Variants in EML4 observed in about 807,000 individuals in gnomAD.
The protein encoded by EML4 is echinoderm microtubule-associated protein-like 4.
In EML4, 72 loss-of-function variants were observed where a neutral mutation model predicts 129.0. The observed-to-expected ratio is 0.56, with a 90% CI of 0.46 to 0.68. The LOEUF (loss-of-function observed/expected upper bound fraction) is 0.68. EML4 is among the 30% of genes least tolerant of loss of function. EML4 has a pLI of 0.00. For synonymous variants in EML4, 532 were observed against 405.0 expected (o/e 1.31, Z -3.77); for missense variants, 1,363 against 1,190.6 (o/e 1.14, Z -2.13).
chr2:42,305,045 G>T (rs1040052775), intron 17 of EML4, among the ~76,000 whole-genome samples: 1 of 152,098 alleles, frequency 6.6e-6, no homozygotes, highest in African/African-American at 2.4e-5. Context: ...GTTGAACCTG[G>T]GAGACAGTTG....
At chr2:42,244,584 T>G (rs1675263880) in intron 1 of EML4, among the ~76,000 whole-genome samples, 1 of 152,124 alleles carries the variant, frequency 6.6e-6, no homozygotes, top group Non-Finnish European at 1.5e-5. Context: ...CATAAAAACC[T>G]TTTTTTAAGA....
chr2:42,187,057 T>TG (rs1196914944), intron 1 of EML4, among the ~76,000 whole-genome samples: 3 of 23,286 alleles, frequency 1.3e-4, no homozygotes, highest in African/African-American at 3.4e-4. Context: ...AGCGGGGGGG[T>TG]GGGGGGGACA....
At chr2:42,199,555 T>C (rs995527443) in intron 1 of EML4, among the ~76,000 whole-genome samples, 4 of 152,186 alleles carry the variant, frequency 2.6e-5, no homozygotes, top group African/African-American at 9.7e-5. Context: ...TCTCCCTGTT[T>C]TCTGTTGAGA....
At chr2:42,265,680 C>T (rs62142565) in intron 6 of EML4, among the ~76,000 whole-genome samples, 1 of 151,638 alleles carries the variant, frequency 6.6e-6, no homozygotes, top group Non-Finnish European at 1.5e-5. Context: ...TAGAAATAAA[C>T]GATTGATAAA....
At chr2:42,222,578 G>C (rs754998674) in intron 1 of EML4, among the ~76,000 whole-genome samples, 1 of 152,100 alleles carries the variant, frequency 6.6e-6, no homozygotes, top group African/African-American at 2.4e-5. Context: ...AATGTTTACT[G>C]TCTGGTCCTT....
intron 14 of EML4, among the ~76,000 whole-genome samples, chr2:42,302,682 C>T (rs772801871): frequency 4.6e-5 from 7 of 151,878 alleles, no homozygotes; most frequent in South Asian, 2.1e-4. Flanking sequence ...TATAGGCGCC[C>T]GCCACCGCAC....
At position 42,329,938 on chromosome 2, in the gene EML4, A is replaced by AGC; in HGVS notation, c.2677_2678insGC (p.Ile893SerfsTer15). 6.2e-7 allele frequency: 1 copy of AGC among 1,614,014 alleles called. No individual in the cohort carries two copies. On this transcript the variant is annotated frameshift_variant, in exon 23 of 23. Coordinates refer to ENST00000318522, the MANE Select transcript of EML4 (RefSeq NM_019063.5). LOFTEE classifies it high-confidence loss of function. Reference sequence around the variant, plus strand: ...CCCCGTCTCTTCCACTGAAAGTGTCATCCAATCTAATACTCCCACACCGCC... The same window carrying AGC: ...CCCCGTCTCTTCCACTGAAAGTGTCAGCTCCAATCTAATACTCCCACACCGCC...
intron 1 of EML4, among the ~76,000 whole-genome samples, chr2:42,188,763 T>C (rs937265665): frequency 1.3e-5 from 2 of 152,100 alleles, no homozygotes; most frequent in African/African-American, 4.8e-5. Flanking sequence ...TGACCTCAGG[T>C]GATCTGCCCA....
At chr2:42,206,248 C>T (rs1293366029) in intron 1 of EML4, among the ~76,000 whole-genome samples, 1 of 152,158 alleles carries the variant, frequency 6.6e-6, no homozygotes, top group East Asian at 1.9e-4. Flanking sequence ...GGGTCTCACT[C>T]TGTCACCTAG....
At chr2:42,242,467 TA>T (rs1675099382) in intron 1 of EML4, among the ~76,000 whole-genome samples, 1 of 152,274 alleles carries the variant, frequency 6.6e-6, no homozygotes, top group African/African-American at 2.4e-5. Flanking sequence ...ACAAGGTAGT[TA>T]GAACCACCTT....
chr2:42,247,964 T>A (rs1051736867), intron 2 of EML4, among the ~76,000 whole-genome samples: 10 of 152,166 alleles, frequency 6.6e-5, no homozygotes, highest in African/African-American at 2.4e-4. Flanking sequence ...CTATTCACAT[T>A]TTTAAAAGCT....
intron 1 of EML4, 109 bp downstream of exon 1, chr2:42,169,745 C>G: frequency 7.9e-7 from 1 of 1,271,890 alleles, no homozygotes; most frequent in Non-Finnish European, 1.1e-6. Flanking sequence ...GTGGCAGCGG[C>G]TCCACTGCAC....
chr2:42,323,028 G>GT (rs5830723), intron 19 of EML4, among the ~76,000 whole-genome samples: 37,752 of 152,054 alleles, frequency 0.25, 5,621 homozygotes, highest in East Asian at 0.56. Context: ...CAACATAGAT[G>GT]TTTTTGCATG....
chr2:42,303,062 C>G, intron 14 of EML4, 42 bp from the exon 15 acceptor site: 1 of 1,588,684 alleles, frequency 6.3e-7, no homozygotes, highest in Non-Finnish European at 8.6e-7. Context: ...GTAATTAATG[C>G]ATATTAGTAT....
At chr2:42,273,330 A>G (rs1666477425) in intron 6 of EML4, among the ~76,000 whole-genome samples, 1 of 152,166 alleles carries the variant, frequency 6.6e-6, no homozygotes, top group Non-Finnish European at 1.5e-5. Flanking sequence ...TTTTCCCAAT[A>G]AAGTCATTTC....
In EML4 at chr2:42,330,073, A is replaced by G. The variant is rs1285610915; in HGVS notation, c.2812A>G (p.Ser938Gly). The G allele has an allele frequency of 6.2e-7, 1 of 1,613,310 alleles. No homozygotes were observed. Among genetic ancestry groups the G allele is most frequent in the South Asian group, 1.1e-5 (1 of 91,004 alleles). The change falls in exon 23 of 23, where the codon AGC becomes GGC. Residue 938 changes from serine to glycine, a missense_variant. Coordinates refer to ENST00000318522, the MANE Select transcript of EML4 (RefSeq NM_019063.5). ...AACTGTGGAGCCAAGTGAAGACCAC[A>G]GCGAGGAGGAGAGTGAAGAGGGCAG... The part of the protein sequence containing the change: ...EQTVEPSEDH[S>G]EEESEEGSGD...
chr2:42,223,681 T>A (rs748668377), intron 1 of EML4, among the ~76,000 whole-genome samples: 1 of 152,104 alleles, frequency 6.6e-6, no homozygotes, highest in Non-Finnish European at 1.5e-5. Flanking sequence ...ATTGAAAACA[T>A]CCCCATGAAA....
intron 1 of EML4, among the ~76,000 whole-genome samples, chr2:42,192,839 G>T (rs1341002860): frequency 6.6e-6 from 1 of 152,102 alleles, no homozygotes; most frequent in African/African-American, 2.4e-5. Context: ...CTTTTCTGTG[G>T]TCCTTATCTA....
intron 1 of EML4, among the ~76,000 whole-genome samples, chr2:42,232,394 A>AT (rs1456268640): frequency 1.3e-5 from 2 of 152,220 alleles, no homozygotes; most frequent in African/African-American, 4.8e-5. Context: ...ATTTGGGTCC[A>AT]TTTATTGTAA....
Sources: allele counts gnomAD v4.1 joint callset (sites outside exome capture counted in the v4.1 genomes callset), GRCh38; gene constraint gnomAD v4.1.1; transcripts MANE v1.5; gene names NCBI Gene and HGNC (gene_info 2026-07-23, HGNC 2026-07-21).